CELF4: variants seen among roughly 807,000 people sequenced by gnomAD.
CELF4 encodes the protein CUGBP Elav-like family member 4, also known as CUG-BP- and ETR-3-like factor 4.
Under a neutral mutation model 59.9 loss-of-function variants are expected in CELF4, and 18 were observed. The observed-to-expected ratio is 0.30, with a 90% confidence interval of 0.21 to 0.45. The LOEUF (loss-of-function observed/expected upper bound fraction) is 0.45, where lower values mean the gene tolerates loss of function less well. Among genes scored for constraint, CELF4 ranks in the 20% least tolerant of loss-of-function variants. CELF4 has a pLI of 1.00. For synonymous variants in CELF4, 261 were observed against 267.1 expected, an observed-to-expected ratio of 0.98 and a Z score of 0.22; for missense variants, 456 against 689.0, an observed-to-expected ratio of 0.66 and a Z score of 3.79.
intron 2 of CELF4, among the ~76,000 whole-genome samples, chr18:37,423,000 A>C (rs1051886071): frequency 7.6e-6 from 1 of 131,864 alleles, no homozygotes; most frequent in African/African-American, 2.5e-5. Flanking sequence ...TGGGTAGGAT[A>C]TGGGAGCAGC....
intron 2 of CELF4, among the ~76,000 whole-genome samples, chr18:37,457,663 G>A (rs1032438520): frequency 6.6e-6 from 1 of 152,082 alleles, no homozygotes; most frequent in East Asian, 1.9e-4. Context: ...CCCGCAGCCC[G>A]AAGACCATCT....
chr18:37,287,221 A>G (rs2094880059), intron 3 of CELF4, among the ~76,000 whole-genome samples: 1 of 152,084 alleles, frequency 6.6e-6, no homozygotes, highest in Non-Finnish European at 1.5e-5. Flanking sequence ...ACCAACATGC[A>G]GGCAGGGCAG....
rs1003541840 is a variant in CELF4 at position 37,410,491 on chromosome 18, G to A, written c.369+75034C>T. On this transcript the variant is annotated intron_variant, in intron 2 of 12. Coordinates refer to ENST00000420428, the MANE Select transcript of CELF4 (RefSeq NM_020180.4). ...ACCAGAACCTCGGGCTGGCAAACCC[G>A]ACGATAGGGCTTGACATCATGCCTG... Among the ~76,000 whole-genome samples the A allele has an allele frequency of 2.6e-5, 4 of 152,354 alleles. No individual in the cohort carries two copies. The South Asian group carries it at 6.2e-4, about 24-fold the overall frequency.
intron 1 of CELF4, among the ~76,000 whole-genome samples, chr18:37,500,825 C>T (rs2099930968): frequency 1.3e-5 from 2 of 152,194 alleles, no homozygotes; most frequent in African/African-American, 4.8e-5. Context: ...TGAGCCACCA[C>T]ACCTGGTCAT....
intron 1 of CELF4, among the ~76,000 whole-genome samples, chr18:37,557,520 T>C (rs4799947): frequency 0.99 from 150,300 of 152,336 alleles, 74,179 homozygotes; most frequent in Middle Eastern, 1. Context: ...TGTGGAATAG[T>C]CTAATACATC....
intron 3 of CELF4, among the ~76,000 whole-genome samples, chr18:37,279,146 A>G (rs1375994688): frequency 6.6e-6 from 1 of 152,026 alleles, no homozygotes; most frequent in Non-Finnish European, 1.5e-5. Context: ...GGTGGTCCCC[A>G]TGTTCTGGTG....
intron 3 of CELF4, among the ~76,000 whole-genome samples, chr18:37,319,068 C>G (rs1252795736): frequency 6.6e-6 from 1 of 152,224 alleles, no homozygotes; most frequent in Non-Finnish European, 1.5e-5. Flanking sequence ...CTGCTGGCAC[C>G]TACTATCCCA....
At position 37,550,090 on chromosome 18, in the gene CELF4, G is replaced by GGGC. The variant is rs1555649366; in HGVS notation, c.286+15265_286+15266insGCC. Among the ~76,000 whole-genome samples, 20 of 120,714 alleles carry GGGC rather than the reference G, an allele frequency of 1.7e-4. 1 individual carries two copies. Among genetic ancestry groups the GGGC allele is most frequent in the East Asian group, 7.4e-4 (3 of 4,060 alleles). 79.2% of individuals were successfully genotyped at this position (120,714 alleles called of 152,430 possible). On this transcript the variant is annotated intron_variant, in intron 1 of 12. Transcript: ENST00000420428. ...GCAATGTGGTCCAATGGGTGGGGGG[G>GGGC]GGGGATCCGTGGGAAGAAAGAAACC...
intron 1 of CELF4, among the ~76,000 whole-genome samples, chr18:37,515,499 C>A (rs73947297): frequency 0.013 from 1,917 of 152,322 alleles, 38 homozygotes; most frequent in African/African-American, 0.043. Context: ...CTTGGCCCAT[C>A]CTCCAGTAGA....
At chr18:37,367,538 G>C (rs776955587) in intron 2 of CELF4, among the ~76,000 whole-genome samples, 2 of 152,100 alleles carry the variant, frequency 1.3e-5, no homozygotes, top group African/African-American at 4.8e-5. Flanking sequence ...AAAAGGACAG[G>C]AAGGCCACGG....
chr18:37,558,036 C>G (rs2154606164), intron 1 of CELF4, among the ~76,000 whole-genome samples: 1 of 130,014 alleles, frequency 7.7e-6, no homozygotes, highest in Middle Eastern at 5.3e-3. Context: ...GGGTCTCACT[C>G]TGTTGCTCAG....
At chr18:37,466,087 G>C (rs949038486) in intron 2 of CELF4, among the ~76,000 whole-genome samples, 1 of 152,218 alleles carries the variant, frequency 6.6e-6, no homozygotes, top group Non-Finnish European at 1.5e-5. Context: ...CTGGGATGAG[G>C]CTCCACAAGG....
At chr18:37,435,672 C>G (rs753302867) in intron 2 of CELF4, among the ~76,000 whole-genome samples, 22 of 152,204 alleles carry the variant, frequency 1.4e-4, no homozygotes, top group Non-Finnish European at 2.6e-4. Context: ...TTCCTGCCCC[C>G]ACCTCATCAC....
At chr18:37,302,615 G>A (rs1424645911) in intron 3 of CELF4, among the ~76,000 whole-genome samples, 3 of 152,200 alleles carry the variant, frequency 2.0e-5, no homozygotes, top group Non-Finnish European at 4.4e-5. Flanking sequence ...GTGGAGGGAG[G>A]GAAATGGATG....
intron 2 of CELF4, among the ~76,000 whole-genome samples, chr18:37,341,815 G>T (rs1360437230): frequency 2.0e-5 from 3 of 152,156 alleles, no homozygotes; most frequent in Non-Finnish European, 2.9e-5. Flanking sequence ...ATCCAACAAT[G>T]CTTGCCTCAC....
chr18:37,311,833 C>T (rs1024762149), intron 3 of CELF4, among the ~76,000 whole-genome samples: 4 of 140,926 alleles, frequency 2.8e-5, no homozygotes, highest in African/African-American at 5.3e-5. Context: ...AGGGATCGTC[C>T]GGGCGCGGTG....
intron 1 of CELF4, among the ~76,000 whole-genome samples, chr18:37,503,863 C>T (rs1236983345): frequency 1.3e-5 from 2 of 152,172 alleles, no homozygotes; most frequent in African/African-American, 4.8e-5. Flanking sequence ...CTGCTTCATG[C>T]TCTCCCAAGA....
chr18:37,272,994 G>A lies in CELF4; in HGVS notation c.949+22C>T, dbSNP rs550829157. 2.6e-5 allele frequency: 41 copies of A among 1,596,652 alleles called. No homozygotes were observed. The East Asian group carries it at 3.8e-4, about 15-fold the overall frequency. ...CTGTTCTCCCACCGGGCCAGACCGC[G>A]TGTTGGCACCTGCCAGCTCACCTGA... On this transcript the variant is annotated intron_variant, in intron 7 of 12. Transcript: ENST00000420428.
intron 1 of CELF4, among the ~76,000 whole-genome samples, chr18:37,515,298 C>T (rs2099949415): frequency 6.6e-6 from 1 of 152,174 alleles, no homozygotes. Context: ...TTTTGCTTTT[C>T]ATCCCTCCCT....
Sources: gnomAD v4.1 joint callset for allele counts (sites outside exome capture counted in the v4.1 genomes callset) on GRCh38, gnomAD v4.1.1 for gene constraint, MANE v1.5 for transcripts, NCBI Gene and HGNC (gene_info 2026-07-23, HGNC 2026-07-21) for gene names.